Variants in ARHGAP28 observed in about 807,000 individuals in gnomAD.
ARHGAP28 encodes Rho GTPase activating protein 28.
ARHGAP28 carries 56 observed loss-of-function variants against 90.7 expected under a neutral mutation model. That is an observed-to-expected ratio of 0.62 (90% CI 0.50 to 0.77). The LOEUF (loss-of-function observed/expected upper bound fraction) is 0.77. Among genes scored for constraint, ARHGAP28 ranks in the 30% least tolerant of loss-of-function variants. The pLI, the probability that ARHGAP28 is intolerant of heterozygous loss-of-function variation, is 0.00. For synonymous variants in ARHGAP28, 308 were observed against 323.3 expected (o/e 0.95, Z 0.51); for missense variants, 869 against 900.9 (o/e 0.96, Z 0.45).
chr18:6,749,876 T>G (rs34260331), intron 1 of ARHGAP28, among the ~76,000 whole-genome samples: 31,466 of 152,160 alleles, frequency 0.21, 3,754 homozygotes, highest in South Asian at 0.32. Context: ...TATTCTCAAA[T>G]AGTAAAGTGT....
intron 1 of ARHGAP28, among the ~76,000 whole-genome samples, chr18:6,817,832 G>C (rs149588415): frequency 0.019 from 2,868 of 152,272 alleles, 47 homozygotes; most frequent in Middle Eastern, 0.027. Context: ...ATGTGACTTT[G>C]GCCAGAATTG....
In ARHGAP28 at chr18:6,882,273, T is replaced by C; in HGVS notation, c.1427T>C (p.Ile476Thr). The C allele has an allele frequency of 6.2e-7, 1 of 1,613,902 alleles. No individual in the cohort carries two copies. Among genetic ancestry groups the C allele is most frequent in the Non-Finnish European group, 8.5e-7 (1 of 1,179,930 alleles). Reference sequence around the variant, plus strand: ...ACCTCTCTCTTCCCTGTGGAATATATACCTGCCTTCATCAGTCTAATGGAA... The same window carrying C: ...ACCTCTCTCTTCCCTGTGGAATATACACCTGCCTTCATCAGTCTAATGGAA... Reference protein sequence around the residue: ...LPTSLFPVEYIPAFISLMERG... With the variant: ...LPTSLFPVEYTPAFISLMERG... Residue 476 changes from isoleucine to threonine, a missense_variant, in exon 11 of 18, where the codon ATA (isoleucine) becomes ACA (threonine). Ile to Thr is a moderately conservative substitution (Grantham distance 89). Coordinates refer to ENST00000383472, the MANE Select transcript of ARHGAP28 (RefSeq NM_001366230.1).
At chr18:6,882,480 G>A in intron 11 of ARHGAP28, 181 bp downstream of exon 11, 2 of 481,494 alleles carry the variant, frequency 4.2e-6, no homozygotes, top group East Asian at 6.8e-5. Flanking sequence ...ACTTAAGCCT[G>A]GTTTAGGGTT....
intron 1 of ARHGAP28, among the ~76,000 whole-genome samples, chr18:6,768,183 C>CT (rs2143385984): frequency 6.6e-6 from 1 of 152,066 alleles, no homozygotes; most frequent in South Asian, 2.1e-4. Flanking sequence ...TCTTATTTTT[C>CT]TTTTTAAGTC....
chr18:6,902,265 A>G (rs1459013065), intron 16 of ARHGAP28, among the ~76,000 whole-genome samples: 2 of 152,174 alleles, frequency 1.3e-5, no homozygotes, highest in African/African-American at 4.8e-5. Flanking sequence ...TAATGTATCA[A>G]TATTGGTTCA....
chr18:6,792,879 T>C (rs1225330626), intron 1 of ARHGAP28, among the ~76,000 whole-genome samples: 1 of 152,224 alleles, frequency 6.6e-6, no homozygotes, highest in African/African-American at 2.4e-5. Context: ...GCAATGGCTC[T>C]CATCTAGCCG....
intron 1 of ARHGAP28, among the ~76,000 whole-genome samples, chr18:6,740,947 G>A (rs967586750): frequency 3.3e-5 from 5 of 152,152 alleles, no homozygotes; most frequent in South Asian, 2.1e-4. Flanking sequence ...TACTGGGTTC[G>A]GGGAAGCAGG....
rs138210708 is a variant in ARHGAP28 at position 6,742,516 on chromosome 18, T to C, written c.122+12573T>C. On this transcript the variant is annotated intron_variant, in intron 1 of 17. Coordinates refer to ENST00000383472, the MANE Select transcript of ARHGAP28 (RefSeq NM_001366230.1). ...GAGTGTTAGGTATTGAATTTGGGAA[T>C]TGTGGTGGATGAGCAGATTGTGGAT... is the stretch of plus-strand genomic sequence containing the variant. 1.7e-3 allele frequency among the ~76,000 whole-genome samples: 260 copies of C among 152,164 alleles called. 1 individual carries two copies. Among genetic ancestry groups the C allele is most frequent in the African/African-American group, 6.0e-3 (248 of 41,498 alleles).
chr18:6,841,158 TCTCTCTCTC>T (rs1307518042), intron 3 of ARHGAP28, among the ~76,000 whole-genome samples: 19 of 89,510 alleles, frequency 2.1e-4, no homozygotes, highest in Admixed American at 8.2e-4. Flanking sequence ...CTCTCCTCTT[TCTCTCTCTC>T]CTCTCTCTCT....
rs935681577 is a variant in ARHGAP28, at chr18:6,729,873, G to C, written c.52G>C (p.Ala18Pro). The C allele has an allele frequency of 1.4e-6, 2 of 1,434,658 alleles. No homozygotes were observed. Among genetic ancestry groups the C allele is most frequent in the East Asian group, 6.1e-5 (2 of 32,728 alleles). The allele number at this position is 1,434,658 out of a possible 1,614,324, so 88.9% of individuals were successfully genotyped here. A position where few individuals can be genotyped will look rare whatever the true frequency, so the allele number is the denominator to read the frequency against. ...GVVLTAYHSYARAQPPNAESR... is the reference protein window; with the variant it reads ...GVVLTAYHSYPRAQPPNAESR... ...GGTGCTGACCGCCTACCACTCGTAC[G>C]CGCGCGCCCAGCCCCCCAACGCCGA... is the stretch of plus-strand genomic sequence containing the variant. Residue 18 changes from alanine (A) to proline (P), a missense_variant, in exon 1 of 18, where the codon GCG (alanine) becomes CCG (proline). By Grantham distance (27) the Ala-to-Pro change is conservative (BLOSUM62 -1). Coordinates refer to ENST00000383472, the MANE Select transcript of ARHGAP28 (RefSeq NM_001366230.1).
At chr18:6,839,563 C>T (rs1257486477) in intron 3 of ARHGAP28, among the ~76,000 whole-genome samples, 4 of 152,156 alleles carry the variant, frequency 2.6e-5, no homozygotes, top group Non-Finnish European at 5.9e-5. Flanking sequence ...TCCCAAAGTG[C>T]TGGGATTACA....
chr18:6,899,896 C>A (rs2143809480), intron 16 of ARHGAP28, among the ~76,000 whole-genome samples: 1 of 152,260 alleles, frequency 6.6e-6, no homozygotes, highest in East Asian at 1.9e-4. Flanking sequence ...CACCTGACAC[C>A]TGGTGGAAAG....
chr18:6,758,043 G>C (rs999924807), intron 1 of ARHGAP28, among the ~76,000 whole-genome samples: 1 of 152,084 alleles, frequency 6.6e-6, no homozygotes, highest in African/African-American at 2.4e-5. Context: ...GTCCTTTTTT[G>C]TGCTGTATTA....
At chr18:6,901,290 A>G (rs2057336853) in intron 16 of ARHGAP28, among the ~76,000 whole-genome samples, 1 of 152,202 alleles carries the variant, frequency 6.6e-6, no homozygotes, top group Non-Finnish European at 1.5e-5. Flanking sequence ...CAAAAATTAC[A>G]TCATCTGATA....
chr18:6,825,806 A>G (rs559550275), intron 2 of ARHGAP28, among the ~76,000 whole-genome samples: 1 of 152,316 alleles, frequency 6.6e-6, no homozygotes, highest in South Asian at 2.1e-4. Flanking sequence ...TTATGGCTGC[A>G]TAGTATCCCA....
chr18:6,864,942 A>G (rs531017410), intron 5 of ARHGAP28, among the ~76,000 whole-genome samples: 3 of 152,168 alleles, frequency 2.0e-5, no homozygotes, highest in Non-Finnish European at 4.4e-5. Context: ...AGCAAAATTG[A>G]GTGGAAAAGT....
chr18:6,870,480 T>C (rs1308060914), intron 6 of ARHGAP28, 110 bp from the exon 7 acceptor site: 4 of 1,137,952 alleles, frequency 3.5e-6, no homozygotes, highest in Non-Finnish European at 5.1e-6. Context: ...ATAAACACTG[T>C]AACGTGCTTG....
chr18:6,840,377 T>C (rs180706976), intron 3 of ARHGAP28, among the ~76,000 whole-genome samples: 293 of 152,320 alleles, frequency 1.9e-3, no homozygotes, highest in Non-Finnish European at 2.7e-3. Flanking sequence ...AGTGCATTAC[T>C]AGAGAATGCA....
intron 14 of ARHGAP28, among the ~76,000 whole-genome samples, chr18:6,894,595 T>C (rs1346687294): frequency 6.6e-6 from 1 of 152,262 alleles, no homozygotes; most frequent in Non-Finnish European, 1.5e-5. Context: ...TGTCTGATCT[T>C]TTGCTGTTAC....
Sources: allele counts gnomAD v4.1 joint callset (sites outside exome capture counted in the v4.1 genomes callset), GRCh38; gene constraint gnomAD v4.1.1; transcripts MANE v1.5; gene names NCBI Gene and HGNC (gene_info 2026-07-23, HGNC 2026-07-21).